Variants in LRP1B observed in about 807,000 individuals in gnomAD.
LRP1B encodes LDL receptor related protein 1B, also known as low-density lipoprotein receptor-related protein 1B.
LRP1B carries 217 observed loss-of-function variants against 556.6 expected under a neutral mutation model. The observed-to-expected ratio is 0.39, with a 90% confidence interval of 0.35 to 0.44. The LOEUF is 0.44. Ranked by LOEUF, LRP1B falls within the 20% of genes least tolerant of loss-of-function variation. LRP1B has a pLI of 1.00. For synonymous variants in LRP1B, 2,047 were observed against 1,865.8 expected, an observed-to-expected ratio of 1.10 and a Z score of -2.50; for missense variants, 5,053 against 5,620.8, an observed-to-expected ratio of 0.90 and a Z score of 3.23.
intron 2 of LRP1B, among the ~76,000 whole-genome samples, chr2:141,549,146 G>A (rs1413235699): frequency 6.6e-6 from 1 of 152,110 alleles, no homozygotes; most frequent in Non-Finnish European, 1.5e-5. Flanking sequence ...ACAAATTTTG[G>A]AGTTAGACAA....
At chr2:140,633,793 G>T (rs754809066) in intron 41 of LRP1B, among the ~76,000 whole-genome samples, 2 of 152,000 alleles carry the variant, frequency 1.3e-5, no homozygotes, top group Non-Finnish European at 2.9e-5. Context: ...ACCTATTAAA[G>T]AAATAGAATC....
intron 1 of LRP1B, among the ~76,000 whole-genome samples, chr2:141,979,559 G>A (rs1701985575): frequency 6.6e-6 from 1 of 151,942 alleles, no homozygotes; most frequent in South Asian, 2.1e-4. Flanking sequence ...AAGCACCCTT[G>A]TTCCCTTCTA....
chr2:140,778,412 C>G (rs904104391), intron 32 of LRP1B, among the ~76,000 whole-genome samples: 1 of 152,158 alleles, frequency 6.6e-6, no homozygotes, highest in African/African-American at 2.4e-5. Flanking sequence ...TGGAAAACTT[C>G]TCTCAATACC....
chr2:141,133,456 A>C (rs2105033167), intron 7 of LRP1B, among the ~76,000 whole-genome samples: 1 of 152,162 alleles, frequency 6.6e-6, no homozygotes, highest in African/African-American at 2.4e-5. Context: ...ACATTAAGTA[A>C]ATTCCTCAAC....
chr2:140,890,869 T>C (rs1361791477), intron 23 of LRP1B, among the ~76,000 whole-genome samples: 2 of 152,034 alleles, frequency 1.3e-5, no homozygotes, highest in African/African-American at 4.8e-5. Flanking sequence ...GGAGATAAAA[T>C]AAATGAAGAA....
Position 141,872,768 on chromosome 2 carries a change from T to C in LRP1B, c.83-62367A>G, listed in dbSNP as rs375124035. Reference sequence around the variant, plus strand: ...TTACAAAAAAAATGGATATCATCTATCATGTTGGTATCATACTTCTCAACA... The same window carrying C: ...TTACAAAAAAAATGGATATCATCTACCATGTTGGTATCATACTTCTCAACA... On this transcript the variant is annotated intron_variant, in intron 1 of 90. Transcript: ENST00000389484. 1.6e-4 allele frequency among the ~76,000 whole-genome samples: 25 copies of C among 152,114 alleles called. No homozygotes were observed. The East Asian group carries it at 1.9e-3, about 12-fold the overall frequency.
intron 41 of LRP1B, among the ~76,000 whole-genome samples, chr2:140,681,362 A>T (rs1184438304): frequency 6.6e-6 from 1 of 152,218 alleles, no homozygotes; most frequent in Non-Finnish European, 1.5e-5. Context: ...TCAAAAGAGT[A>T]ATAATTTATA....
intron 33 of LRP1B, among the ~76,000 whole-genome samples, chr2:140,772,837 T>G (rs1008741979): frequency 1.3e-5 from 2 of 151,998 alleles, no homozygotes; most frequent in Non-Finnish European, 2.9e-5. Context: ...CTAGGCACAG[T>G]GCTCATACCT....
chr2:141,703,290 C>A (rs763554222), intron 2 of LRP1B, among the ~76,000 whole-genome samples: 2 of 151,932 alleles, frequency 1.3e-5, no homozygotes, highest in East Asian at 3.9e-4. Flanking sequence ...ACAAAGACAA[C>A]CAAGAAAGAC....
At chr2:141,506,969 G>A (rs1205300508) in intron 2 of LRP1B, among the ~76,000 whole-genome samples, 2 of 152,002 alleles carry the variant, frequency 1.3e-5, no homozygotes, top group African/African-American at 4.8e-5. Flanking sequence ...CAATTCTAAT[G>A]ACATGGACTA....
intron 18 of LRP1B, among the ~76,000 whole-genome samples, chr2:140,968,858 C>T (rs956092320): frequency 9.2e-5 from 14 of 152,174 alleles, no homozygotes; most frequent in African/African-American, 3.4e-4. Flanking sequence ...GTTTCTTAAT[C>T]CTGAGTTCTA....
chr2:140,402,984 C>T (rs1684573587), intron 66 of LRP1B, among the ~76,000 whole-genome samples: 1 of 152,126 alleles, frequency 6.6e-6, no homozygotes. Context: ...CTACTACAAC[C>T]AGCATCTGAG....
At chr2:140,284,140 G>T (rs1683025648) in intron 84 of LRP1B, among the ~76,000 whole-genome samples, 1 of 151,568 alleles carries the variant, frequency 6.6e-6, no homozygotes, top group Non-Finnish European at 1.5e-5. Flanking sequence ...ATTAATTTCA[G>T]CCTGATACAA....
chr2:141,989,619 G>A (rs1032618687), intron 1 of LRP1B, among the ~76,000 whole-genome samples: 1 of 151,974 alleles, frequency 6.6e-6, no homozygotes, highest in Non-Finnish European at 1.5e-5. Context: ...GTGAGAGTGG[G>A]ACCAGGTAGA....
intron 3 of LRP1B, among the ~76,000 whole-genome samples, chr2:141,421,720 TAA>T (rs1324362386): frequency 6.6e-6 from 1 of 151,988 alleles, no homozygotes; most frequent in Non-Finnish European, 1.5e-5. Context: ...AGCTTAAGAT[TAA>T]GTGTCTTTTG....
chr2:140,831,210 CA>C (rs1364441817), intron 31 of LRP1B, among the ~76,000 whole-genome samples: 1 of 151,876 alleles, frequency 6.6e-6, no homozygotes, highest in African/African-American at 2.4e-5. Context: ...CCCAAATAGC[CA>C]AAACAATCCT....
At chr2:140,561,418 T>C (rs1680926438) in intron 43 of LRP1B, among the ~76,000 whole-genome samples, 1 of 152,298 alleles carries the variant, frequency 6.6e-6, no homozygotes, top group African/African-American at 2.4e-5. Flanking sequence ...CCATTCTTCA[T>C]TGAACTTAAA....
rs1574070646 is a variant in LRP1B at position 141,097,562 on chromosome 2, A to T, written c.1014-35289T>A. ...GGAATGTTAATTTTAGAAATGTTTT[A>T]TAGCCATTTTCATTTATCTTGTCTA... On this transcript the variant is annotated intron_variant, in intron 7 of 90. Coordinates refer to ENST00000389484, the MANE Select transcript of LRP1B (RefSeq NM_018557.3). Among the ~76,000 whole-genome samples the T allele has an allele frequency of 2.0e-5, 3 of 152,328 alleles. No individual in the cohort carries two copies. The South Asian group carries it at 6.2e-4, about 32-fold the overall frequency.
At position 141,467,178 on chromosome 2, in the gene LRP1B, T is replaced by TGA. The variant is rs1282800261; in HGVS notation, c.343+13216_343+13217dup. ...CTCTCAGGTGTATTAAATATCTACC[T>TGA]GAGAGAGAGAGCGCGGGGGGAATTA... On this transcript the variant is annotated intron_variant, in intron 3 of 90. Transcript: ENST00000389484. Among the ~76,000 whole-genome samples, 3 of 149,032 alleles carry TGA rather than the reference T, an allele frequency of 2.0e-5. No individual in the cohort carries two copies. In the East Asian group the frequency reaches 5.9e-4, roughly 29 times the overall value.
Sources: allele counts gnomAD v4.1 joint callset (sites outside exome capture counted in the v4.1 genomes callset), GRCh38; gene constraint gnomAD v4.1.1; transcripts MANE v1.5; gene names NCBI Gene and HGNC (gene_info 2026-07-23, HGNC 2026-07-21).